Variants in COA3 observed in about 807,000 individuals in gnomAD.
COA3 encodes the protein cytochrome c oxidase assembly factor 3.
In COA3, 10 loss-of-function variants were observed where a neutral mutation model predicts 10.1. The observed-to-expected ratio is 0.99, with a 90% CI of 0.61 to 1.67. The LOEUF is 1.67. Among genes scored for constraint, COA3 ranks in the 40% most tolerant of loss-of-function variants. The probability of loss-of-function intolerance (pLI) is 0.00; values close to 1 mark genes in which losing one functional copy is unlikely to be tolerated. For missense variants in COA3, 142 were observed against 140.7 expected (o/e 1.01, Z -0.05); for synonymous variants, 57 against 63.1 (o/e 0.90, Z 0.46).
At position 42,798,575 on chromosome 17, in the gene COA3, T is replaced by A. The variant is rs1332178058; in HGVS notation, c.107A>T (p.His36Leu). The A allele has an allele frequency of 6.2e-7, 1 of 1,614,178 alleles. No homozygotes were observed. Among genetic ancestry groups the A allele is most frequent in the South Asian group, 1.1e-5 (1 of 91,086 alleles). The change falls in exon 1 of 2, where the codon CAT becomes CTT. Residue 36 changes from histidine to leucine, a missense_variant. Coordinates refer to ENST00000328434, the MANE Select transcript of COA3 (RefSeq NM_001040431.3). The stretch of plus-strand genomic sequence containing the variant: ...GGCAAGCTCCGCCTGCCGCATGGAA[T>A]GCAGTTGCTCGGGTGTCAGCTTCTC... ...TREKLTPEQLHSMRQAELAQW... is the reference protein window; with the variant it reads ...TREKLTPEQLLSMRQAELAQW...
chr17:42,798,592 C>T lies in COA3; in HGVS notation c.90G>A (p.Leu30=). 2 of 1,614,180 alleles carry T rather than the reference C, an allele frequency of 1.2e-6. No homozygotes were observed. The highest frequency in any genetic ancestry group is 1.7e-6 in the Non-Finnish European group (2 of 1,180,040). ...AQRIDPTREK[L]TPEQLHSMRQ... is the part of the protein sequence containing the mutation. ...GCATGGAATGCAGTTGCTCGGGTGTCAGCTTCTCCCGAGTCGGGTCGATAC... is the reference window on the plus strand; with the variant it reads ...GCATGGAATGCAGTTGCTCGGGTGTTAGCTTCTCCCGAGTCGGGTCGATAC... The change falls in exon 1 of 2, where the codon CTG becomes CTA. Residue 30 remains leucine, a synonymous_variant. Coordinates refer to ENST00000328434, the MANE Select transcript of COA3 (RefSeq NM_001040431.3).
intron 1 of COA3, 97 bp from the exon 2 acceptor site, chr17:42,798,264 C>T: frequency 2.0e-6 from 2 of 1,012,280 alleles, no homozygotes; most frequent in South Asian, 1.4e-5. Flanking sequence ...TCAGTGATTC[C>T]GGCTTCCCGC....
rs983900333 is a variant in COA3, at chr17:42,797,867, C to T, written c.*194G>A. 2.9e-5 allele frequency: 16 copies of T among 544,232 alleles called. No individual in the cohort carries two copies. The highest frequency in any genetic ancestry group is 3.8e-5 in the African/African-American group (2 of 52,620). 33.7% of individuals were successfully genotyped at this position (544,232 alleles called of 1,614,324 possible). ...TCAGTCATTGTACACAGCAAGTGTG[C>T]AGTGGGCAAAGTTCTGTTCTTTTGA... On this transcript the variant is annotated 3_prime_UTR_variant, in exon 2 of 2. Coordinates refer to ENST00000328434, the MANE Select transcript of COA3 (RefSeq NM_001040431.3).
chr17:42,798,674 G>T lies in COA3; in HGVS notation c.8C>A (p.Ser3Tyr). The T allele has an allele frequency of 6.2e-7, 1 of 1,611,886 alleles. No homozygotes were observed. Among genetic ancestry groups the T allele is most frequent in the Non-Finnish European group, 8.5e-7 (1 of 1,178,336 alleles). The change falls in exon 1 of 2, where the codon TCT (serine) becomes TAT (tyrosine). Residue 3 changes from serine to tyrosine, a missense_variant. Physicochemically the swap from Ser to Tyr is moderately radical, Grantham distance 144. Transcript: ENST00000328434. ...ATCCAGAGGGTCACCAGCTCCCGAA[G>T]ACGCCATGTTGCCACTCCTCCCTTC... The part of the protein sequence containing the change: MA[S>Y]SGAGDPLDSK...
In COA3 at chr17:42,798,468, A is replaced by G; in HGVS notation, c.214T>C (p.Tyr72His). Residue 72 changes from tyrosine (Y) to histidine (H), a missense_variant and splice_region_variant, in exon 1 of 2, where the codon TAT (tyrosine) becomes CAT (histidine). Transcript: ENST00000328434. Reference sequence around the variant, plus strand: ...TTGAGTCTACAACACGGACGGATACAAATAGCCAACACCAGGGCCCCGATG... The same window carrying G: ...TTGAGTCTACAACACGGACGGATACGAATAGCCAACACCAGGGCCCCGATG... ...LGIGALVLAI[Y>H]GYTFYSISQE... 6.2e-7 allele frequency: 1 copy of G among 1,611,876 alleles called. No individual in the cohort carries two copies. Among genetic ancestry groups the G allele is most frequent in the Non-Finnish European group, 8.5e-7 (1 of 1,180,002 alleles).
At position 42,798,653 on chromosome 17, in the gene COA3, A is replaced by G. The variant is rs1319572735; in HGVS notation, c.29T>C (p.Leu10Pro). The change falls in exon 1 of 2, where the codon CTG becomes CCG. Residue 10 changes from leucine (L) to proline (P), a missense_variant. Leu to Pro is a moderately conservative substitution (Grantham distance 98). Coordinates refer to ENST00000328434, the MANE Select transcript of COA3 (RefSeq NM_001040431.3). MASSGAGDP[L>P]DSKRGEAPFA... The stretch of plus-strand genomic sequence containing the variant: ...CGGGGCCTCTCCACGCTTAGAATCC[A>G]GAGGGTCACCAGCTCCCGAAGACGC... 2 of 1,613,552 alleles carry G rather than the reference A, an allele frequency of 1.2e-6. No homozygotes were observed. The highest frequency in any genetic ancestry group is 1.7e-6 in the Non-Finnish European group (2 of 1,179,574).
chr17:42,798,586 G>C lies in COA3; in HGVS notation c.96C>G (p.Pro32=). 6.2e-7 allele frequency: 1 copy of C among 1,614,150 alleles called. No individual in the cohort carries two copies. The highest frequency in any genetic ancestry group is 8.5e-7 in the Non-Finnish European group (1 of 1,180,034). ...RIDPTREKLT[P]EQLHSMRQAE... is the part of the protein sequence containing the mutation. ...CCTGCCGCATGGAATGCAGTTGCTCGGGTGTCAGCTTCTCCCGAGTCGGGT... is the reference window on the plus strand; with the variant it reads ...CCTGCCGCATGGAATGCAGTTGCTCCGGTGTCAGCTTCTCCCGAGTCGGGT... Residue 32 remains proline (P), a synonymous_variant, in exon 1 of 2, where the codon CCC becomes CCG. Coordinates refer to ENST00000328434, the MANE Select transcript of COA3 (RefSeq NM_001040431.3).
Position 42,798,615 on chromosome 17 carries a change from T to TA in COA3, c.66dup (p.Ile23TyrfsTer65). On this transcript the variant is annotated frameshift_variant, in exon 1 of 2. Transcript: ENST00000328434. LOFTEE classifies it high-confidence loss of function. The stretch of plus-strand genomic sequence containing the variant: ...GTCAGCTTCTCCCGAGTCGGGTCGA[T>TA]ACGCTGAGCGAACGGGGCCTCTCCA... 6.2e-7 allele frequency: 1 copy of TA among 1,614,174 alleles called. No individual in the cohort carries two copies. The highest frequency in any genetic ancestry group is 1.6e-4 in the Middle Eastern group (1 of 6,062).
Position 42,797,832 on chromosome 17 carries a change from A to G in COA3, c.*229T>C. 2.2e-6 allele frequency: 1 copy of G among 459,808 alleles called. No homozygotes were observed. The highest frequency in any genetic ancestry group is 3.6e-5 in the South Asian group (1 of 27,482). 28.5% of individuals were successfully genotyped at this position (459,808 alleles called of 1,614,324 possible). A position where few individuals can be genotyped will look rare whatever the true frequency, so the allele number is the denominator to read the frequency against. On this transcript the variant is annotated 3_prime_UTR_variant, in exon 2 of 2. Transcript: ENST00000328434. ...CCTCTCAAACAAGGAAACAAACTAC[A>G]AGAAAGGGCTCAGTCATTGTACACA...
At chr17:42,798,265 G>T (rs1259801968) in intron 1 of COA3, 98 bp from the exon 2 acceptor site, 9 of 1,014,872 alleles carry the variant, frequency 8.9e-6, no homozygotes, top group Non-Finnish European at 3.0e-6. Context: ...CAGTGATTCC[G>T]GCTTCCCGCC....
Position 42,798,670 on chromosome 17 carries a change from C to A in COA3, c.12G>T (p.Ser4=). 6.2e-7 allele frequency: 1 copy of A among 1,611,968 alleles called. No homozygotes were observed. Among genetic ancestry groups the A allele is most frequent in the South Asian group, 1.1e-5 (1 of 91,040 alleles). The part of the protein sequence containing the change: MAS[S]GAGDPLDSKR... Reference sequence around the variant, plus strand: ...TAGAATCCAGAGGGTCACCAGCTCCCGAAGACGCCATGTTGCCACTCCTCC... The same window carrying A: ...TAGAATCCAGAGGGTCACCAGCTCCAGAAGACGCCATGTTGCCACTCCTCC... Residue 4 remains serine (S), a synonymous_variant, in exon 1 of 2, where the codon TCG becomes TCT. Transcript: ENST00000328434.
intron 1 of COA3, 35 bp from the exon 2 acceptor site, chr17:42,798,202 T>C (rs768521660): frequency 7.1e-7 from 1 of 1,412,780 alleles, no homozygotes; most frequent in East Asian, 2.3e-5. Flanking sequence ...ACACAGAATA[T>C]GCACATTCCC....
chr17:42,798,255 C>T, intron 1 of COA3, 88 bp from the exon 2 acceptor site: 1 of 1,066,680 alleles, frequency 9.4e-7, no homozygotes, highest in Non-Finnish European at 1.4e-6. Context: ...TCTCCCAAAT[C>T]AGTGATTCCG....
intron 1 of COA3, 22 bp from the exon 2 acceptor site, chr17:42,798,189 ACCACACAGAATATGCACATTCC>A: frequency 1.3e-6 from 2 of 1,514,210 alleles, no homozygotes; most frequent in Non-Finnish European, 1.8e-6. Context: ...GGTTCAGGAA[ACCACACAGAATATGCACATTCC>A]CCTTTCCTAG....
In COA3 at chr17:42,798,654, G is replaced by C; in HGVS notation, c.28C>G (p.Leu10Val). Residue 10 changes from leucine (L) to valine (V), a missense_variant, in exon 1 of 2, where the codon CTG becomes GTG. By Grantham distance (32) the Leu-to-Val change is conservative. Transcript: ENST00000328434. Reference sequence around the variant, plus strand: ...GGGGCCTCTCCACGCTTAGAATCCAGAGGGTCACCAGCTCCCGAAGACGCC... The same window carrying C: ...GGGGCCTCTCCACGCTTAGAATCCACAGGGTCACCAGCTCCCGAAGACGCC... MASSGAGDP[L>V]DSKRGEAPFA... 1.2e-6 allele frequency: 2 copies of C among 1,613,334 alleles called. No individual in the cohort carries two copies. Among genetic ancestry groups the C allele is most frequent in the Non-Finnish European group, 1.7e-6 (2 of 1,179,378 alleles).
In COA3 at chr17:42,798,482, A is replaced by C; in HGVS notation, c.200T>G (p.Leu67Arg). Reference protein sequence around the residue: ...NIVTGLGIGALVLAIYGYTFY... With the variant: ...NIVTGLGIGARVLAIYGYTFY... ...CGGACGGATACAAATAGCCAACACCAGGGCCCCGATGCCTAGGCCGGTCAC... is the reference window on the plus strand; with the variant it reads ...CGGACGGATACAAATAGCCAACACCCGGGCCCCGATGCCTAGGCCGGTCAC... Residue 67 changes from leucine to arginine, a missense_variant, in exon 1 of 2, where the codon CTG becomes CGG. Coordinates refer to ENST00000328434, the MANE Select transcript of COA3 (RefSeq NM_001040431.3). 2 of 1,613,078 alleles carry C rather than the reference A, an allele frequency of 1.2e-6. No homozygotes were observed. The highest frequency in any genetic ancestry group is 1.7e-6 in the Non-Finnish European group (2 of 1,180,020).
intron 1 of COA3, 75 bp from the exon 2 acceptor site, chr17:42,798,242 T>C: frequency 8.6e-7 from 1 of 1,161,446 alleles, no homozygotes; most frequent in Non-Finnish European, 1.3e-6. Flanking sequence ...CCACTCTTGT[T>C]ACTCTCCCAA....
rs201237619 is a variant in COA3 at position 42,798,560 on chromosome 17, G to A, written c.122C>T (p.Ala41Val). ...TPEQLHSMRQ[A>V]ELAQWQKVLP... ...GACCTTCTGCCACTGGGCAAGCTCC[G>A]CCTGCCGCATGGAATGCAGTTGCTC... The change falls in exon 1 of 2, where the codon GCG (alanine) becomes GTG (valine). Residue 41 changes from alanine to valine, a missense_variant. Transcript: ENST00000328434. The A allele has an allele frequency of 9.3e-6, 15 of 1,611,224 alleles. No individual in the cohort carries two copies. The highest frequency in any genetic ancestry group is 2.7e-5 in the African/African-American group (2 of 74,928).
rs979757349 is a variant in COA3, at chr17:42,798,074, G to A, written c.308C>T (p.Ala103Val). The A allele has an allele frequency of 1.1e-5, 18 of 1,613,816 alleles. No homozygotes were observed. Among genetic ancestry groups the A allele is most frequent in the East Asian group, 2.2e-5 (1 of 44,886 alleles). The stretch of plus-strand genomic sequence containing the variant: ...TACCCATCCAGATTAGGACCCTGAC[G>A]CCCTTGCCAGAGCTCGGGCTCGGGC... ...KAARARALAR[A>V]SGS Residue 103 changes from alanine (A) to valine (V), a missense_variant, in exon 2 of 2, where the codon GCG becomes GTG. Ala to Val is a moderately conservative substitution (Grantham distance 64). Coordinates refer to ENST00000328434, the MANE Select transcript of COA3 (RefSeq NM_001040431.3).
Sources: gnomAD v4.1 joint callset for allele counts on GRCh38, gnomAD v4.1.1 for gene constraint, MANE v1.5 for transcripts, NCBI Gene and HGNC (gene_info 2026-07-23, HGNC 2026-07-21) for gene names.